Variants in TET3 observed in about 807,000 individuals in gnomAD.
The protein encoded by TET3 is tet methylcytosine dioxygenase 3, also known as methylcytosine dioxygenase TET3.
Under a neutral mutation model 141.4 loss-of-function variants are expected in TET3, and 19 were observed. That is an observed-to-expected ratio of 0.13 (90% CI 0.09 to 0.20). TET3 has a LOEUF of 0.20. Among genes scored for constraint, TET3 ranks in the 10% least tolerant of loss-of-function variants. The pLI, the probability that TET3 is intolerant of heterozygous loss-of-function variation, is 1.00. For synonymous variants in TET3, 1,043 were observed against 980.9 expected (o/e 1.06, Z -1.18); for missense variants, 1,874 against 2,356.9 (o/e 0.80, Z 4.24).
intron 8 of TET3, 112 bp from the exon 9 acceptor site, chr2:74,092,790 C>T (rs1028701476): frequency 3.3e-6 from 3 of 900,222 alleles, no homozygotes; most frequent in Non-Finnish European, 5.3e-6. Flanking sequence ...CACCTGATAA[C>T]ACCTCCCTCC....
In TET3 at chr2:74,089,777, T is replaced by C. The variant is rs1573897364; in HGVS notation, c.2889-120T>C. On this transcript the variant is annotated intron_variant, in intron 7 of 11. Transcript: ENST00000409262. Reference sequence around the variant, plus strand: ...GGTTGGGGGTGGGGAAGGATGAGTCTCAGTCACTGGGAGGCTGGTGGGTGC... The same window carrying C: ...GGTTGGGGGTGGGGAAGGATGAGTCCCAGTCACTGGGAGGCTGGTGGGTGC... 4 of 1,342,124 alleles carry C rather than the reference T, an allele frequency of 3.0e-6. No individual in the cohort carries two copies. The East Asian group carries it at 7.0e-5, about 23-fold the overall frequency. 83.1% of individuals were successfully genotyped at this position (1,342,124 alleles called of 1,614,324 possible).
At chr2:74,073,124 T>A (rs56196018) in intron 4 of TET3, among the ~76,000 whole-genome samples, 1,862 of 152,330 alleles carry the variant, frequency 0.012, 39 homozygotes, top group African/African-American at 0.042. Context: ...AGGGCTTCTT[T>A]CACTTAACAA....
In TET3 at chr2:74,092,669, A is replaced by G. The variant is rs577968452; in HGVS notation, c.3040-233A>G. On this transcript the variant is annotated intron_variant, in intron 8 of 11. Coordinates refer to ENST00000409262, the MANE Select transcript of TET3 (RefSeq NM_001287491.2). Reference sequence around the variant, plus strand: ...AAGGAGCAGTAGTTTAGCAGTCAGGATGACTAGACCTTCAGGCCGTGGCTT... The same window carrying G: ...AAGGAGCAGTAGTTTAGCAGTCAGGGTGACTAGACCTTCAGGCCGTGGCTT... 2.6e-5 allele frequency among the ~76,000 whole-genome samples: 4 copies of G among 152,302 alleles called. No homozygotes were observed. In the South Asian group the frequency reaches 8.3e-4, roughly 32 times the overall value.
chr2:73,992,295 TTTTTC>T (rs1296075777), intron 2 of TET3, among the ~76,000 whole-genome samples: 4 of 147,128 alleles, frequency 2.7e-5, no homozygotes, highest in Non-Finnish European at 5.9e-5. Context: ...TCACAATCTT[TTTTTC>T]TTTTCTTTTT....
intron 4 of TET3, among the ~76,000 whole-genome samples, chr2:74,052,087 C>G (rs1687975282): frequency 6.6e-6 from 1 of 152,212 alleles, no homozygotes; most frequent in African/African-American, 2.4e-5. Context: ...TCAAGCAGTT[C>G]TCATGCCTCG....
chr2:74,023,693 C>T (rs1686189398), intron 3 of TET3, among the ~76,000 whole-genome samples: 1 of 152,196 alleles, frequency 6.6e-6, no homozygotes, highest in Admixed American at 6.5e-5. Flanking sequence ...TTGATATTAT[C>T]AGTATTTCTA....
chr2:74,079,284 T>G (rs1324183282), intron 5 of TET3, among the ~76,000 whole-genome samples: 1 of 151,938 alleles, frequency 6.6e-6, no homozygotes, highest in Non-Finnish European at 1.5e-5. Flanking sequence ...AAGCGGAGGT[T>G]GCAATGAGCC....
At chr2:74,084,644 G>A (rs1300815100) in intron 6 of TET3, among the ~76,000 whole-genome samples, 1 of 152,038 alleles carries the variant, frequency 6.6e-6, no homozygotes, top group East Asian at 1.9e-4. Flanking sequence ...TAGTAGAGAT[G>A]GGGTTTCACT....
intron 10 of TET3, among the ~76,000 whole-genome samples, chr2:74,096,432 G>A (rs982969910): frequency 8.5e-5 from 13 of 152,256 alleles, no homozygotes; most frequent in African/African-American, 2.9e-4. Context: ...CAATTGAAAG[G>A]CCAATACAAA....
At chr2:74,012,511 C>T (rs921742520) in intron 3 of TET3, among the ~76,000 whole-genome samples, 3 of 152,180 alleles carry the variant, frequency 2.0e-5, no homozygotes, top group African/African-American at 7.2e-5. Flanking sequence ...AGCAGCCCCA[C>T]CTTTCAGAAA....
chr2:74,088,623 A>G (rs986113821), intron 7 of TET3, among the ~76,000 whole-genome samples: 2 of 152,234 alleles, frequency 1.3e-5, no homozygotes, highest in Admixed American at 6.5e-5. Flanking sequence ...CCTGGGCAAC[A>G]GTGAGACTCT....
the TET3 span, among the ~76,000 whole-genome samples, chr2:74,124,957 T>TA: frequency 0.012 from 1,405 of 120,532 alleles, 19 homozygotes; most frequent in Admixed American, 0.044. Flanking sequence ...GGTTAAAAAC[T>TA]AAAAAAAAAA....
At chr2:74,112,436 G>T, downstream of TET3, among the ~76,000 whole-genome samples, 1 of 151,436 alleles carries the variant, frequency 6.6e-6, no homozygotes, top group South Asian at 2.1e-4. Context: ...CTATAAAACC[G>T]CTCCAAATAA....
At chr2:74,011,194 C>T (rs996237435) in intron 3 of TET3, among the ~76,000 whole-genome samples, 1 of 147,330 alleles carries the variant, frequency 6.8e-6, no homozygotes, top group Non-Finnish European at 1.5e-5. Flanking sequence ...TGCCACTGCA[C>T]TCCAGCCTGG....
intron 3 of TET3, among the ~76,000 whole-genome samples, chr2:74,026,740 T>TA (rs1289964642): frequency 6.6e-6 from 1 of 152,016 alleles, no homozygotes; most frequent in Admixed American, 6.5e-5. Context: ...TTTTTTTTTT[T>TA]AATTCTAAGG....
At chr2:74,068,951 C>G (rs926909486) in intron 4 of TET3, among the ~76,000 whole-genome samples, 4 of 152,152 alleles carry the variant, frequency 2.6e-5, no homozygotes, top group Admixed American at 6.5e-5. Flanking sequence ...GATCTCTCTT[C>G]CCAGTGTGAT....
intron 4 of TET3, among the ~76,000 whole-genome samples, chr2:74,068,309 A>G: frequency 6.6e-6 from 1 of 151,200 alleles, no homozygotes; most frequent in South Asian, 2.1e-4. Flanking sequence ...ACGTGTGTGT[A>G]TGTACAAATG....
downstream of TET3, among the ~76,000 whole-genome samples, chr2:74,113,006 CAAA>C (rs60299737): frequency 3.2e-3 from 109 of 34,318 alleles, no homozygotes; most frequent in African/African-American, 8.7e-3. Context: ...GACTCCGTCT[CAAA>C]AAAAAAAAAA....
At chr2:74,124,813 G>A in the TET3 span, among the ~76,000 whole-genome samples, 1 of 151,772 alleles carries the variant, frequency 6.6e-6, no homozygotes, top group Non-Finnish European at 1.5e-5. Context: ...CCTCTGTCTA[G>A]GAAAACCAGA....
Sources: gnomAD v4.1 joint callset for allele counts (sites outside exome capture counted in the v4.1 genomes callset) on GRCh38, gnomAD v4.1.1 for gene constraint, MANE v1.5 for transcripts, NCBI Gene and HGNC (gene_info 2026-07-23, HGNC 2026-07-21) for gene names.